The following GALNTL6 variants were observed in gnomAD, a reference collection of about 807,000 sequenced individuals.
The protein encoded by GALNTL6 is polypeptide N-acetylgalactosaminyltransferase-like 6.
Under a neutral mutation model 73.7 loss-of-function variants are expected in GALNTL6, and 46 were observed. The ratio of observed to expected loss-of-function variants is 0.62; its 90% CI spans 0.49 to 0.80. The LOEUF (loss-of-function observed/expected upper bound fraction) is 0.80. GALNTL6 is among the 30% of genes least tolerant of loss of function. The probability of loss-of-function intolerance (pLI) is 0.00; values close to 1 mark genes in which losing one functional copy is unlikely to be tolerated. For synonymous variants in GALNTL6, 259 were observed against 263.7 expected, an observed-to-expected ratio of 0.98 and a Z score of 0.17; for missense variants, 604 against 755.0, an observed-to-expected ratio of 0.80 and a Z score of 2.34.
At chr4:172,137,091 G>C (rs903078679) in intron 2 of GALNTL6, among the ~76,000 whole-genome samples, 1 of 152,046 alleles carries the variant, frequency 6.6e-6, no homozygotes, top group African/African-American at 2.4e-5. Context: ...CATTCATAGA[G>C]AGCATTTAGT....
chr4:172,008,240 T>C (rs895454095), intron 2 of GALNTL6, among the ~76,000 whole-genome samples: 2 of 152,170 alleles, frequency 1.3e-5, no homozygotes, highest in African/African-American at 4.8e-5. Context: ...AAAATGTAAA[T>C]TGAAGCATAA....
intron 5 of GALNTL6, among the ~76,000 whole-genome samples, chr4:172,453,508 A>C (rs1231031047): frequency 6.6e-6 from 1 of 152,228 alleles, no homozygotes; most frequent in Non-Finnish European, 1.5e-5. Flanking sequence ...GTTTTAAATG[A>C]CACATCTGCA....
At chr4:171,847,131 G>A (rs1481589582) in intron 2 of GALNTL6, among the ~76,000 whole-genome samples, 1 of 151,800 alleles carries the variant, frequency 6.6e-6, no homozygotes, top group African/African-American at 2.4e-5. Flanking sequence ...TGTGAGTAAT[G>A]AGAATCGACT....
chr4:172,297,294 A>G (rs1231760070), intron 3 of GALNTL6, among the ~76,000 whole-genome samples: 3 of 152,056 alleles, frequency 2.0e-5, no homozygotes, highest in Non-Finnish European at 2.9e-5. Context: ...ATTTTCTCCC[A>G]TTCTGTAGGT....
intron 4 of GALNTL6, among the ~76,000 whole-genome samples, chr4:172,340,742 G>T (rs533451369): frequency 6.6e-6 from 1 of 152,134 alleles, no homozygotes; most frequent in Admixed American, 6.5e-5. Context: ...GATAAAACCC[G>T]TCTAACTCTT....
chr4:172,751,002 G>A (rs1737391195), intron 5 of GALNTL6, among the ~76,000 whole-genome samples: 1 of 152,036 alleles, frequency 6.6e-6, no homozygotes, highest in African/African-American at 2.4e-5. Flanking sequence ...CTTATATGTG[G>A]GTTGTGAAGT....
At chr4:172,483,931 G>A (rs1367730202) in intron 5 of GALNTL6, among the ~76,000 whole-genome samples, 3 of 152,274 alleles carry the variant, frequency 2.0e-5, no homozygotes, top group Admixed American at 2.0e-4. Flanking sequence ...TTTCTAACTG[G>A]ATATCTTTAA....
At chr4:172,204,404 G>A (rs1736046734) in intron 2 of GALNTL6, among the ~76,000 whole-genome samples, 1 of 152,138 alleles carries the variant, frequency 6.6e-6, no homozygotes, top group Non-Finnish European at 1.5e-5. Context: ...AGGGGCACAT[G>A]GCAGTCTGAG....
At chr4:171,913,723 C>G (rs761527034) in intron 2 of GALNTL6, among the ~76,000 whole-genome samples, 1 of 152,094 alleles carries the variant, frequency 6.6e-6, no homozygotes, top group Non-Finnish European at 1.5e-5. Flanking sequence ...ATCGTTGAAA[C>G]AGTGTCTTTT....
intron 2 of GALNTL6, among the ~76,000 whole-genome samples, chr4:172,152,824 G>T (rs28516712): frequency 0.44 from 67,526 of 151,842 alleles, 15,666 homozygotes; most frequent in African/African-American, 0.56. Flanking sequence ...TGCCCAGTTT[G>T]GTCTCGAACT....
At chr4:172,947,367 C>G (rs571160584) in intron 9 of GALNTL6, among the ~76,000 whole-genome samples, 11 of 152,250 alleles carry the variant, frequency 7.2e-5, no homozygotes, top group African/African-American at 2.4e-4. Flanking sequence ...GTGAACACCC[C>G]TGGGAATCCA....
intron 2 of GALNTL6, among the ~76,000 whole-genome samples, chr4:171,943,542 T>C (rs1265626522): frequency 6.6e-6 from 1 of 152,198 alleles, no homozygotes; most frequent in Non-Finnish European, 1.5e-5. Context: ...TTACTTAAAG[T>C]GTGTGATCTA....
intron 5 of GALNTL6, among the ~76,000 whole-genome samples, chr4:172,697,802 T>C (rs955794152): frequency 6.6e-6 from 1 of 152,142 alleles, no homozygotes; most frequent in African/African-American, 2.4e-5. Context: ...ATCCATGTGC[T>C]CTAGCCTATT....
At chr4:172,469,774 T>C (rs1317274757) in intron 5 of GALNTL6, among the ~76,000 whole-genome samples, 1 of 152,240 alleles carries the variant, frequency 6.6e-6, no homozygotes. Flanking sequence ...AAATTGCTTT[T>C]CACGTTATTT....
intron 2 of GALNTL6, among the ~76,000 whole-genome samples, chr4:171,823,582 C>T (rs200491841): frequency 1.2e-4 from 9 of 73,262 alleles, no homozygotes; most frequent in East Asian, 1.2e-3. Context: ...TATATATATA[C>T]ACACACACAT....
At chr4:172,767,911 G>A (rs975024355) in intron 5 of GALNTL6, among the ~76,000 whole-genome samples, 10 of 152,046 alleles carry the variant, frequency 6.6e-5, no homozygotes, top group Admixed American at 1.3e-4. Context: ...CTCATGATCC[G>A]CCGGTGTCAG....
At chr4:172,425,943 A>G (rs1731213611) in intron 5 of GALNTL6, among the ~76,000 whole-genome samples, 1 of 152,088 alleles carries the variant, frequency 6.6e-6, no homozygotes, top group South Asian at 2.1e-4. Context: ...GTAATTTGAA[A>G]ATAAAGTAGC....
intron 5 of GALNTL6, among the ~76,000 whole-genome samples, chr4:172,685,417 T>C (rs947721073): frequency 6.6e-6 from 1 of 152,230 alleles, no homozygotes; most frequent in Non-Finnish European, 1.5e-5. Flanking sequence ...ATCCCCTTTT[T>C]AGCCTCTTTA....
At chr4:172,118,303 A>C (rs1342715698) in intron 2 of GALNTL6, among the ~76,000 whole-genome samples, 1 of 152,192 alleles carries the variant, frequency 6.6e-6, no homozygotes, top group Non-Finnish European at 1.5e-5. Context: ...TGTCATCAAT[A>C]CTTGGTTAAG....
Sources: gnomAD v4.1 joint callset for allele counts (sites outside exome capture counted in the v4.1 genomes callset) on GRCh38, gnomAD v4.1.1 for gene constraint, MANE v1.5 for transcripts, NCBI Gene and HGNC (gene_info 2026-07-23, HGNC 2026-07-21) for gene names.